Variants in LARGE1 observed in about 807,000 individuals in gnomAD.
LARGE1 encodes the protein LARGE xylosyl- and glucuronyltransferase 1.
LARGE1 carries 43 observed loss-of-function variants against 87.6 expected under a neutral mutation model. That is an observed-to-expected ratio of 0.49 (90% confidence interval 0.38 to 0.63). LARGE1 has a LOEUF of 0.63. LARGE1 is among the 30% of genes least tolerant of loss of function. The pLI is 0.00. For synonymous variants in LARGE1, 434 were observed against 394.6 expected, an observed-to-expected ratio of 1.10 and a Z score of -1.18; for missense variants, 802 against 1,000.2, an observed-to-expected ratio of 0.80 and a Z score of 2.67.
intron 9 of LARGE1, among the ~76,000 whole-genome samples, chr22:33,351,349 G>A (rs150902858): frequency 2.0e-4 from 30 of 152,324 alleles, no homozygotes; most frequent in Non-Finnish European, 3.4e-4. Context: ...GTGGCATGGC[G>A]CTCTCAAATA....
intron 11 of LARGE1, among the ~76,000 whole-genome samples, chr22:33,314,786 G>A (rs938237256): frequency 4.6e-5 from 7 of 152,294 alleles, no homozygotes; most frequent in South Asian, 2.1e-4. Flanking sequence ...AAATTGAAGC[G>A]GAAGCCAGTC....
At chr22:33,583,146 C>T (rs954389921) in intron 5 of LARGE1, among the ~76,000 whole-genome samples, 2 of 152,132 alleles carry the variant, frequency 1.3e-5, no homozygotes, top group African/African-American at 4.8e-5. Context: ...ATGCACCCAC[C>T]AGCTTGTTCC....
intron 10 of LARGE1, among the ~76,000 whole-genome samples, chr22:33,334,086 G>A (rs1938098417): frequency 6.6e-6 from 1 of 151,644 alleles, no homozygotes; most frequent in African/African-American, 2.4e-5. Flanking sequence ...TCGCGGCACT[G>A]CACTCCAGCT....
At chr22:33,130,002 C>A in the LARGE1 span, among the ~76,000 whole-genome samples, 2 of 152,094 alleles carry the variant, frequency 1.3e-5, no homozygotes, top group East Asian at 3.9e-4. Flanking sequence ...ATTATTTTTG[C>A]AACTTCTATT....
intron 11 of LARGE1, among the ~76,000 whole-genome samples, chr22:33,212,904 G>C (rs1925030796): frequency 6.6e-6 from 1 of 152,068 alleles, no homozygotes; most frequent in Non-Finnish European, 1.5e-5. Context: ...TGTAATCTCA[G>C]CTACTTGGGA....
chr22:33,677,882 A>C (rs2081629887), intron 2 of LARGE1, among the ~76,000 whole-genome samples: 1 of 152,216 alleles, frequency 6.6e-6, no homozygotes, highest in Non-Finnish European at 1.5e-5. Flanking sequence ...TTATGGCCAA[A>C]GATGGAACGC....
At chr22:33,451,167 C>A (rs919169140) in intron 6 of LARGE1, among the ~76,000 whole-genome samples, 1 of 152,074 alleles carries the variant, frequency 6.6e-6, no homozygotes, top group Non-Finnish European at 1.5e-5. Context: ...TAAGACACTG[C>A]CTTTGAATAG....
chr22:33,904,095 C>T (rs1375179575), intron 1 of LARGE1, among the ~76,000 whole-genome samples: 1 of 152,130 alleles, frequency 6.6e-6, no homozygotes, highest in African/African-American at 2.4e-5. Context: ...TGACTCCTTC[C>T]CCACTCTTCA....
At chr22:33,230,975 G>A (rs1444104747) in intron 11 of LARGE1, among the ~76,000 whole-genome samples, 1 of 152,072 alleles carries the variant, frequency 6.6e-6, no homozygotes, top group African/African-American at 2.4e-5. Context: ...TCTTTCAATT[G>A]TCCCAGAATT....
At chr22:33,781,935 G>A (rs546012721) in intron 1 of LARGE1, among the ~76,000 whole-genome samples, 34 of 152,258 alleles carry the variant, frequency 2.2e-4, no homozygotes, top group African/African-American at 8.2e-4. Context: ...CAATGTGTGT[G>A]TGTGTATATA....
chr22:33,424,794 T>C, intron 7 of LARGE1, among the ~76,000 whole-genome samples: 1 of 152,042 alleles, frequency 6.6e-6, no homozygotes, highest in East Asian at 1.9e-4. Flanking sequence ...CAGCGAGCTG[T>C]GTCTGCGCCA....
intron 7 of LARGE1, among the ~76,000 whole-genome samples, chr22:33,426,793 C>T (rs2066897171): frequency 6.6e-6 from 1 of 152,178 alleles, no homozygotes. Context: ...CCTGTCTCTG[C>T]CCTAATTTGG....
intron 1 of LARGE1, among the ~76,000 whole-genome samples, chr22:33,765,296 C>T (rs1472611318): frequency 1.3e-5 from 2 of 152,144 alleles, no homozygotes; most frequent in Non-Finnish European, 2.9e-5. Context: ...TTTCCTTTTA[C>T]TTTAACCTAA....
intron 6 of LARGE1, among the ~76,000 whole-genome samples, chr22:33,536,278 G>C (rs771958497): frequency 6.6e-6 from 1 of 152,202 alleles, no homozygotes; most frequent in African/African-American, 2.4e-5. Context: ...AGGATTTTAA[G>C]TAGATATGAA....
intron 11 of LARGE1, among the ~76,000 whole-genome samples, chr22:33,309,133 G>A (rs1234058280): frequency 6.6e-6 from 1 of 151,622 alleles, no homozygotes; most frequent in African/African-American, 2.4e-5. Context: ...GGGTGATTAG[G>A]TCATGAGGGT....
chr22:33,194,580 G>A (rs1272732794), intron 11 of LARGE1, among the ~76,000 whole-genome samples: 2 of 152,142 alleles, frequency 1.3e-5, no homozygotes, highest in Non-Finnish European at 1.5e-5. Context: ...AGTTGACATT[G>A]AATGTTAAGA....
At chr22:33,888,883 C>A (rs770183428) in intron 1 of LARGE1, among the ~76,000 whole-genome samples, 3 of 152,092 alleles carry the variant, frequency 2.0e-5, no homozygotes, top group Non-Finnish European at 4.4e-5. Flanking sequence ...ACAAATATAT[C>A]TTCATACAAC....
chr22:33,557,003 A>G (rs796211627), intron 6 of LARGE1, among the ~76,000 whole-genome samples: 17 of 152,292 alleles, frequency 1.1e-4, no homozygotes, highest in African/African-American at 4.1e-4. Context: ...AGACTGTTTC[A>G]CGAACAAACA....
chr22:33,842,591 T>C (rs1251013258), intron 1 of LARGE1, among the ~76,000 whole-genome samples: 6 of 152,116 alleles, frequency 3.9e-5, no homozygotes, highest in African/African-American at 1.4e-4. Context: ...CTCCAAAACC[T>C]GACGCGTGCA....
Sources: allele counts gnomAD v4.1 joint callset (sites outside exome capture counted in the v4.1 genomes callset), GRCh38; gene constraint gnomAD v4.1.1; transcripts MANE v1.5; gene names NCBI Gene and HGNC (gene_info 2026-07-23, HGNC 2026-07-21).